The following SORCS3 variants were observed in gnomAD, a reference collection of about 807,000 sequenced individuals.
The protein encoded by SORCS3 is VPS10 domain-containing receptor SorCS3.
In SORCS3, 57 loss-of-function variants were observed where a neutral mutation model predicts 146.3. The ratio of observed to expected loss-of-function variants is 0.39; its 90% CI spans 0.31 to 0.49. The LOEUF is 0.49. Among genes scored for constraint, SORCS3 ranks in the 20% least tolerant of loss-of-function variants. SORCS3 has a pLI of 0.92. For synonymous variants in SORCS3, 653 were observed against 618.5 expected (o/e 1.06, Z -0.83); for missense variants, 1,341 against 1,575.5 (o/e 0.85, Z 2.52).
intron 3 of SORCS3, among the ~76,000 whole-genome samples, chr10:104,952,503 C>T (rs1306691078): frequency 6.6e-6 from 1 of 152,076 alleles, no homozygotes; most frequent in Non-Finnish European, 1.5e-5. Context: ...ACGCATTACT[C>T]GAAATTATGT....
chr10:104,834,979 G>A (rs1464283223), intron 1 of SORCS3, among the ~76,000 whole-genome samples: 1 of 151,964 alleles, frequency 6.6e-6, no homozygotes, highest in African/African-American at 2.4e-5. Context: ...AGAGAAAGGG[G>A]TTAACAGTTT....
chr10:105,082,963 C>T (rs969237876), intron 5 of SORCS3, among the ~76,000 whole-genome samples: 4 of 152,052 alleles, frequency 2.6e-5, no homozygotes, highest in South Asian at 4.1e-4. Context: ...CTCCTGACCT[C>T]GTGATCTGCC....
At chr10:104,745,627 T>C (rs1354577286) in intron 1 of SORCS3, among the ~76,000 whole-genome samples, 15 of 152,212 alleles carry the variant, frequency 9.9e-5, no homozygotes, top group Admixed American at 9.8e-4. Flanking sequence ...TGTTTAAGTA[T>C]ATAATAGAGA....
intron 20 of SORCS3, among the ~76,000 whole-genome samples, chr10:105,228,672 C>A (rs2056748872): frequency 6.6e-6 from 1 of 152,080 alleles, no homozygotes; most frequent in South Asian, 2.1e-4. Context: ...ATATGTCATC[C>A]TATTCTCTCC....
chr10:105,107,980 C>T (rs1379943252), intron 7 of SORCS3, among the ~76,000 whole-genome samples: 7 of 152,022 alleles, frequency 4.6e-5, no homozygotes, highest in South Asian at 2.1e-4. Context: ...TATTTATTAA[C>T]GCTATCTGTA....
intron 3 of SORCS3, among the ~76,000 whole-genome samples, chr10:104,962,603 C>T (rs1000693376): frequency 3.3e-5 from 5 of 152,154 alleles, no homozygotes; most frequent in African/African-American, 9.7e-5. Flanking sequence ...TCCTGCACCA[C>T]GAGTTGTGCT....
chr10:105,129,370 C>T lies in SORCS3; in HGVS notation c.1213-10027C>T, dbSNP rs1284611864. ...TTTTTTTTTTTTTACAAAACCCTAC[C>T]AATCCACAGTCCACAAGGAACAGAA... On this transcript the variant is annotated intron_variant, in intron 7 of 26. Coordinates refer to ENST00000369701, the MANE Select transcript of SORCS3 (RefSeq NM_014978.3). Among the ~76,000 whole-genome samples the T allele has an allele frequency of 1.6e-4, 21 of 130,638 alleles. No individual in the cohort carries two copies. In the Admixed American group the frequency reaches 1.6e-3, roughly 10 times the overall value. The allele number at this position is 130,638 out of a possible 152,430, so 85.7% of individuals were successfully genotyped here. A position where few individuals can be genotyped will look rare whatever the true frequency, so the allele number is the denominator to read the frequency against.
intron 7 of SORCS3, among the ~76,000 whole-genome samples, chr10:105,107,587 A>G (rs1219078641): frequency 6.6e-6 from 1 of 152,046 alleles, no homozygotes; most frequent in Admixed American, 6.6e-5. Context: ...ATTAGCATCA[A>G]TTTTTATTTT....
intron 3 of SORCS3, among the ~76,000 whole-genome samples, chr10:104,952,817 C>T (rs1370729586): frequency 6.6e-6 from 1 of 152,182 alleles, no homozygotes; most frequent in East Asian, 1.9e-4. Context: ...TATAAATTAA[C>T]AGGAATGGGA....
intron 11 of SORCS3, 96 bp downstream of exon 11, chr10:105,159,090 T>A (rs764151917): frequency 3.8e-5 from 32 of 835,408 alleles, no homozygotes; most frequent in African/African-American, 1.0e-4. Context: ...GAGCATCAGA[T>A]GAAAGCTGTG....
At chr10:104,760,422 A>G (rs2017106678) in intron 1 of SORCS3, among the ~76,000 whole-genome samples, 1 of 152,200 alleles carries the variant, frequency 6.6e-6, no homozygotes. Flanking sequence ...GCCAGGGTGC[A>G]TCAAGAAGCA....
intron 6 of SORCS3, among the ~76,000 whole-genome samples, chr10:105,103,143 T>A (rs2055797637): frequency 6.6e-6 from 1 of 152,174 alleles, no homozygotes; most frequent in East Asian, 1.9e-4. Flanking sequence ...TTTTTGCATA[T>A]GAATTCTGTG....
chr10:104,843,000 A>T lies in SORCS3; in HGVS notation c.695+141A>T, dbSNP rs1335313384. ...AGCTCATGTTAATGCTCTGGGTGGAACTGATGGCCCCCACCTGTGAATTCC... is the reference window on the plus strand; with the variant it reads ...AGCTCATGTTAATGCTCTGGGTGGATCTGATGGCCCCCACCTGTGAATTCC... On this transcript the variant is annotated intron_variant, in intron 2 of 26. Transcript: ENST00000369701. 1.2e-5 allele frequency: 8 copies of T among 682,738 alleles called. No homozygotes were observed. The Admixed American group carries it at 1.9e-4, about 16-fold the overall frequency. The allele number at this position is 682,738 out of a possible 1,614,324, so 42.3% of individuals were successfully genotyped here.
intron 1 of SORCS3, among the ~76,000 whole-genome samples, chr10:104,765,105 A>G (rs1474798410): frequency 2.0e-5 from 3 of 152,142 alleles, no homozygotes. Flanking sequence ...ACCTCTTTTT[A>G]GGTCTGTGGG....
chr10:104,660,677 G>C (rs1478654266), intron 1 of SORCS3, among the ~76,000 whole-genome samples: 1 of 152,178 alleles, frequency 6.6e-6, no homozygotes, highest in Non-Finnish European at 1.5e-5. Flanking sequence ...GAATGAGTTG[G>C]GGATGGTTTG....
intron 1 of SORCS3, among the ~76,000 whole-genome samples, chr10:104,696,539 C>T (rs1473704743): frequency 5.4e-5 from 3 of 55,830 alleles, no homozygotes; most frequent in South Asian, 1.2e-3. Flanking sequence ...ATATTATATA[C>T]ATATATAATA....
At chr10:104,904,196 C>G (rs2018880215) in intron 2 of SORCS3, among the ~76,000 whole-genome samples, 1 of 152,136 alleles carries the variant, frequency 6.6e-6, no homozygotes, top group Non-Finnish European at 1.5e-5. Context: ...CAGTAAAGGT[C>G]TCAGATTTTT....
At position 104,918,760 on chromosome 10, in the gene SORCS3, T is replaced by G. The variant is rs11818353; in HGVS notation, c.795+2828T>G. On this transcript the variant is annotated intron_variant, in intron 3 of 26. Coordinates refer to ENST00000369701, the MANE Select transcript of SORCS3 (RefSeq NM_014978.3). ...TTGGGCGAAGCAAGAACTGGATATT[T>G]GGTGCATGAAAAGTGCCCTACAGCG... is the stretch of plus-strand genomic sequence containing the variant. Among the ~76,000 whole-genome samples the G allele has an allele frequency of 1.9e-3, 289 of 152,292 alleles. 1 individual carries two copies. Among genetic ancestry groups the G allele is most frequent in the African/African-American group, 6.8e-3 (281 of 41,568 alleles).
chr10:104,931,042 A>G (rs913576542), intron 3 of SORCS3, among the ~76,000 whole-genome samples: 11 of 152,180 alleles, frequency 7.2e-5, no homozygotes, highest in African/African-American at 2.7e-4. Flanking sequence ...TATGATGGAC[A>G]CTCAGCCTGG....
Sources: gnomAD v4.1 joint callset for allele counts (sites outside exome capture counted in the v4.1 genomes callset) on GRCh38, gnomAD v4.1.1 for gene constraint, MANE v1.5 for transcripts, NCBI Gene and HGNC (gene_info 2026-07-23, HGNC 2026-07-21) for gene names.